YY1: variants seen among roughly 807,000 people sequenced by gnomAD.
YY1 encodes transcriptional repressor protein YY1.
In YY1, 2 loss-of-function variants were observed where a neutral mutation model predicts 35.6. The ratio of observed to expected loss-of-function variants is 0.06; its 90% CI spans 0.02 to 0.18. The LOEUF (loss-of-function observed/expected upper bound fraction) is 0.18, where lower values mean the gene tolerates loss of function less well. Ranked by LOEUF, YY1 falls within the 10% of genes least tolerant of loss-of-function variation. The pLI, the probability that YY1 is intolerant of heterozygous loss-of-function variation, is 1.00. For synonymous variants in YY1, 268 were observed against 238.9 expected (o/e 1.12, Z -1.12); for missense variants, 322 against 573.4 (o/e 0.56, Z 4.48).
intron 1 of YY1, among the ~76,000 whole-genome samples, chr14:100,243,160 G>T (rs564974269): frequency 6.6e-6 from 1 of 152,334 alleles, no homozygotes; most frequent in South Asian, 2.1e-4. Flanking sequence ...TTCATCTTCA[G>T]AACTGAAATG....
chr14:100,268,114 C>G (rs948843153), intron 2 of YY1, among the ~76,000 whole-genome samples: 34 of 152,186 alleles, frequency 2.2e-4, no homozygotes, highest in African/African-American at 7.5e-4. Flanking sequence ...TCTTCGCCCC[C>G]AGCACTCACA....
intron 1 of YY1, among the ~76,000 whole-genome samples, chr14:100,241,245 G>A (rs1890736325): frequency 1.3e-5 from 2 of 152,178 alleles, no homozygotes; most frequent in South Asian, 4.1e-4. Context: ...ATAAGCGGTG[G>A]AACCTCTTCC....
At chr14:100,260,630 G>T (rs939908392) in intron 1 of YY1, among the ~76,000 whole-genome samples, 1 of 150,958 alleles carries the variant, frequency 6.6e-6, no homozygotes, top group African/African-American at 2.4e-5. Flanking sequence ...CCGCCACCAC[G>T]CCTGGCTAAT....
At chr14:100,246,415 TG>T (rs1358350715) in intron 1 of YY1, among the ~76,000 whole-genome samples, 1 of 152,200 alleles carries the variant, frequency 6.6e-6, no homozygotes, top group African/African-American at 2.4e-5. Context: ...TCCCCTGGTG[TG>T]CCCAGGTTGG....
intron 1 of YY1, among the ~76,000 whole-genome samples, chr14:100,258,416 T>C (rs1017999851): frequency 6.6e-6 from 1 of 152,210 alleles, no homozygotes; most frequent in Non-Finnish European, 1.5e-5. Flanking sequence ...TAGGAATAGA[T>C]AGTCTTCATC....
chr14:100,271,951 C>A (rs2139599460), intron 2 of YY1, among the ~76,000 whole-genome samples: 1 of 152,112 alleles, frequency 6.6e-6, no homozygotes, highest in East Asian at 1.9e-4. Context: ...CAGATAGTTT[C>A]AGATTTTGGA....
chr14:100,249,100 ATTTTTTTTTTTTTTT>A (rs60088505), intron 1 of YY1, among the ~76,000 whole-genome samples: 16 of 46,836 alleles, frequency 3.4e-4, no homozygotes, highest in South Asian at 1.5e-3. Context: ...TTCTCGTGTA[ATTTTTTTTTTTTTTT>A]TTTTTTTTTT....
chr14:100,275,753 G>C (rs1891309250), intron 3 of YY1: 1 of 152,588 alleles, frequency 6.6e-6, no homozygotes, highest in South Asian at 2.1e-4. Context: ...AGTGACTTGT[G>C]CTGTCCTTCT....
At chr14:100,241,991 C>CT (rs1890752776) in intron 1 of YY1, among the ~76,000 whole-genome samples, 1 of 82,284 alleles carries the variant, frequency 1.2e-5, no homozygotes, top group Non-Finnish European at 2.8e-5. Context: ...GGGGGGGGGG[C>CT]ATTTTTTTTT....
intron 2 of YY1, among the ~76,000 whole-genome samples, chr14:100,266,451 A>G (rs1255670301): frequency 6.6e-6 from 1 of 152,186 alleles, no homozygotes; most frequent in Non-Finnish European, 1.5e-5. Flanking sequence ...TAAAGCCATT[A>G]GGTGTTGGTG....
chr14:100,260,416 AATATATGAAT>A (rs1441904072), intron 1 of YY1, among the ~76,000 whole-genome samples: 1 of 127,976 alleles, frequency 7.8e-6, no homozygotes, highest in East Asian at 2.2e-4. Context: ...ATGGGGTCTG[AATATATGAAT>A]ATATATATAT....
chr14:100,256,397 A>T (rs1453529050), intron 1 of YY1, among the ~76,000 whole-genome samples: 1 of 152,224 alleles, frequency 6.6e-6, no homozygotes, highest in Non-Finnish European at 1.5e-5. Context: ...CTCAGGTGGC[A>T]TACTTGGCAT....
intron 2 of YY1, among the ~76,000 whole-genome samples, chr14:100,270,334 G>C (rs1891218664): frequency 6.6e-6 from 1 of 150,754 alleles, no homozygotes. Flanking sequence ...TGGGAGGCCG[G>C]GTGCCGTGGC....
Position 100,239,481 on chromosome 14 carries a change from C to A in YY1, c.237C>A (p.His79Gln). The A allele has an allele frequency of 6.2e-7, 1 of 1,606,364 alleles. No homozygotes were observed. Among genetic ancestry groups the A allele is most frequent in the South Asian group, 1.1e-5 (1 of 90,688 alleles). Residue 79 changes from histidine (H) to glutamine (Q), a missense_variant, in exon 1 of 5, where the codon CAC (histidine) becomes CAA (glutamine). Physicochemically the swap from His to Gln is conservative, Grantham distance 24 (BLOSUM62 0). This residue lies in a region of YY1 where 137 missense variants were observed against 167.0 expected (regional missense o/e 0.82). Coordinates refer to ENST00000262238, the MANE Select transcript of YY1 (RefSeq NM_003403.5). The stretch of plus-strand genomic sequence containing the variant: ...ACCACCACCACCATCACCACCACCA[C>A]CACCCGCCCATGATCGCTCTGCAGC... ...GHHHHHHHHH[H>Q]HPPMIALQPL... is the part of the protein sequence containing the mutation.
Position 100,262,293 on chromosome 14 carries a change from A to G in YY1, c.680-11A>G, listed in dbSNP as rs1891096043. ...TTACTCAGCTAAAGATAATCTCATGATGTGTTTCAGATGAAAAAAAAGATA... is the reference window on the plus strand; with the variant it reads ...TTACTCAGCTAAAGATAATCTCATGGTGTGTTTCAGATGAAAAAAAAGATA... On this transcript the variant is annotated splice_polypyrimidine_tract_variant and intron_variant, in intron 1 of 4. Coordinates refer to ENST00000262238, the MANE Select transcript of YY1 (RefSeq NM_003403.5). The G allele has an allele frequency of 6.2e-7, 1 of 1,613,326 alleles. No individual in the cohort carries two copies. The highest frequency in any genetic ancestry group is 2.2e-5 in the East Asian group (1 of 44,856).
Position 100,279,476 on chromosome 14 carries a change from A to G in YY1, c.*1876A>G, listed in dbSNP as rs1480584541. On this transcript the variant is annotated 3_prime_UTR_variant, in exon 5 of 5. Coordinates refer to ENST00000262238, the MANE Select transcript of YY1 (RefSeq NM_003403.5). ...CATTTAACTTGAGACCCTTTAAAAAATTCATCCAGAATCTGTTACCCCTTG... is the reference window on the plus strand; with the variant it reads ...CATTTAACTTGAGACCCTTTAAAAAGTTCATCCAGAATCTGTTACCCCTTG... 6.6e-6 allele frequency: 1 copy of G among 152,206 alleles called. No homozygotes were observed. The highest frequency in any genetic ancestry group is 1.5e-5 in the Non-Finnish European group (1 of 68,036). 9.4% of individuals were successfully genotyped at this position (152,206 alleles called of 1,614,324 possible).
rs376271434 is a variant in YY1, at chr14:100,239,438, A to G, written c.194A>G (p.His65Arg). The part of the protein sequence containing the change: ...GGGDHGGGGG[H>R]GHAGHHHHHH... ...GGCGACCACGGCGGCGGGGGCGGCC[A>G]CGGGCACGCCGGCCACCACCACCAC... Residue 65 changes from histidine to arginine, a missense_variant, in exon 1 of 5, where the codon CAC (histidine) becomes CGC (arginine). Transcript: ENST00000262238. 648 of 1,588,948 alleles carry G rather than the reference A, an allele frequency of 4.1e-4. No homozygotes were observed. Among genetic ancestry groups the G allele is most frequent in the Non-Finnish European group, 5.4e-4 (627 of 1,170,462 alleles).
intron 1 of YY1, among the ~76,000 whole-genome samples, chr14:100,258,734 C>T (rs925409502): frequency 3.3e-5 from 5 of 152,142 alleles, no homozygotes; most frequent in Non-Finnish European, 7.4e-5. Flanking sequence ...GCATTCTCCT[C>T]AGTAAAATGA....
intron 1 of YY1, among the ~76,000 whole-genome samples, chr14:100,260,573 A>G (rs1891069759): frequency 2.7e-5 from 4 of 150,430 alleles, no homozygotes; most frequent in Admixed American, 2.0e-4. Context: ...CCCAGGTTCA[A>G]GCGATTCTCC....
Sources: gnomAD v4.1 joint callset for allele counts (sites outside exome capture counted in the v4.1 genomes callset) on GRCh38, gnomAD v4.1.1 for gene constraint, gnomAD v4.1.1 regional missense constraint, MANE v1.5 for transcripts, NCBI Gene and HGNC (gene_info 2026-07-23, HGNC 2026-07-21) for gene names.